The following IQGAP2 variants were observed in gnomAD, a reference collection of about 807,000 sequenced individuals.
The protein encoded by IQGAP2 is IQ motif containing GTPase activating protein 2.
A neutral mutation model predicts 201.3 loss-of-function variants in IQGAP2; 173 were observed. That is an observed-to-expected ratio of 0.86 (90% CI 0.76 to 0.98). IQGAP2 has a LOEUF of 0.98. Ranked by LOEUF, IQGAP2 falls within the 50% of genes least tolerant of loss-of-function variation. The pLI is 0.00. For missense variants in IQGAP2, 1,687 were observed against 1,864.8 expected (o/e 0.90, Z 1.76); for synonymous variants, 675 against 673.9 (o/e 1.00, Z -0.03).
At chr5:76,647,754 A>G (rs1158570433) in intron 17 of IQGAP2, among the ~76,000 whole-genome samples, 1 of 152,046 alleles carries the variant, frequency 6.6e-6, no homozygotes, top group African/African-American at 2.4e-5. Flanking sequence ...TAGCCAAAGG[A>G]CCAAGAAAGA....
intron 2 of IQGAP2, among the ~76,000 whole-genome samples, chr5:76,466,291 C>T (rs928604651): frequency 6.6e-6 from 1 of 152,168 alleles, no homozygotes; most frequent in Non-Finnish European, 1.5e-5. Context: ...GTTACGATCA[C>T]ACCACTGCAC....
At chr5:76,405,070 A>G (rs768254180) in intron 1 of IQGAP2, among the ~76,000 whole-genome samples, 14 of 152,254 alleles carry the variant, frequency 9.2e-5, no homozygotes, top group Non-Finnish European at 1.9e-4. Context: ...GATAACCACA[A>G]ACTTCTGCAA....
At chr5:76,599,010 A>G (rs1372680052) in intron 10 of IQGAP2, among the ~76,000 whole-genome samples, 1 of 152,222 alleles carries the variant, frequency 6.6e-6, no homozygotes, top group African/African-American at 2.4e-5. Flanking sequence ...AAATGTATAT[A>G]TGAATTTAAA....
chr5:76,616,948 C>G (rs1749032069), intron 13 of IQGAP2: 1 of 152,190 alleles, frequency 6.6e-6, no homozygotes, highest in Non-Finnish European at 1.5e-5. Flanking sequence ...GAGGCAGCCA[C>G]CAGCATGAGA....
At chr5:76,678,963 C>G (rs978207743) in intron 28 of IQGAP2, among the ~76,000 whole-genome samples, 3 of 152,152 alleles carry the variant, frequency 2.0e-5, no homozygotes, top group Non-Finnish European at 4.4e-5. Context: ...AATGAATAGG[C>G]TATCCTTCTT....
chr5:76,663,343 G>A (rs978501129), intron 21 of IQGAP2, among the ~76,000 whole-genome samples: 4 of 152,166 alleles, frequency 2.6e-5, no homozygotes, highest in Non-Finnish European at 5.9e-5. Context: ...TCCTCACGTG[G>A]AGGTCCAGCT....
chr5:76,621,894 C>T (rs960085722), intron 13 of IQGAP2, among the ~76,000 whole-genome samples: 3 of 152,122 alleles, frequency 2.0e-5, no homozygotes, highest in African/African-American at 7.2e-5. Context: ...GAATGAACTC[C>T]GGCCTCTCAG....
At chr5:76,414,220 C>T (rs1437358150) in intron 1 of IQGAP2, among the ~76,000 whole-genome samples, 1 of 152,146 alleles carries the variant, frequency 6.6e-6, no homozygotes, top group Non-Finnish European at 1.5e-5. Flanking sequence ...GAGATTGTCA[C>T]TTTTCTGTTT....
At chr5:76,413,836 T>G (rs1406543786) in intron 1 of IQGAP2, among the ~76,000 whole-genome samples, 1 of 152,230 alleles carries the variant, frequency 6.6e-6, no homozygotes, top group African/African-American at 2.4e-5. Context: ...ATCTTTATGC[T>G]TGCTTCAGAA....
intron 2 of IQGAP2, among the ~76,000 whole-genome samples, chr5:76,558,931 C>T (rs146815963): frequency 0.016 from 2,444 of 152,008 alleles, 54 homozygotes; most frequent in African/African-American, 0.055. Flanking sequence ...GACGGAGTCT[C>T]GCTCTGTCGC....
chr5:76,649,104 A>T (rs1752312873), intron 17 of IQGAP2, among the ~76,000 whole-genome samples: 1 of 152,252 alleles, frequency 6.6e-6, no homozygotes, highest in Non-Finnish European at 1.5e-5. Flanking sequence ...AAACTTCTGA[A>T]AACAAAAGAC....
chr5:76,406,905 T>C (rs1267240888), intron 1 of IQGAP2, among the ~76,000 whole-genome samples: 5 of 152,238 alleles, frequency 3.3e-5, no homozygotes, highest in East Asian at 1.9e-4. Flanking sequence ...TTTGCTTCTT[T>C]TAAAAAGTGC....
At chr5:76,547,361 G>C (rs1580426445) in intron 2 of IQGAP2, 1 of 716,906 alleles carries the variant, frequency 1.4e-6, no homozygotes, top group Non-Finnish European at 1.7e-6. Context: ...TGGTGTTCTG[G>C]AATGTCCATT....
rs1486582638 is a variant in IQGAP2 at position 76,403,297 on chromosome 5, G to C, written c.-249G>C. 5 of 348,084 alleles carry C rather than the reference G, an allele frequency of 1.4e-5. No individual in the cohort carries two copies. Among genetic ancestry groups the C allele is most frequent in the Non-Finnish European group, 2.6e-5 (5 of 194,578 alleles). 21.6% of individuals were successfully genotyped at this position (348,084 alleles called of 1,614,324 possible). On this transcript the variant is annotated 5_prime_UTR_variant, in exon 1 of 36. Transcript: ENST00000274364. This position sits in a 1 kb window ranked among gnomAD's most constrained non-coding sequence, Gnocchi z 4.8. ...TGGAGGAGAAAGGAAACCTGCTGCG[G>C]GAGGCGGCGGCGACCGGCCAGGGAG... is the stretch of plus-strand genomic sequence containing the variant.
intron 1 of IQGAP2, among the ~76,000 whole-genome samples, chr5:76,410,774 T>C (rs1360363095): frequency 6.6e-6 from 1 of 152,222 alleles, no homozygotes; most frequent in Admixed American, 6.5e-5. Context: ...TGATTTACGG[T>C]CCTGCAATGT....
intron 2 of IQGAP2, among the ~76,000 whole-genome samples, chr5:76,550,125 C>T (rs1395764078): frequency 1.3e-5 from 2 of 152,090 alleles, no homozygotes; most frequent in Non-Finnish European, 2.9e-5. Context: ...AGCTGTGAAC[C>T]CGTGAAACCA....
At chr5:76,439,269 G>A (rs1752891403) in intron 1 of IQGAP2, among the ~76,000 whole-genome samples, 1 of 152,190 alleles carries the variant, frequency 6.6e-6, no homozygotes, top group Admixed American at 6.5e-5. Context: ...CTATCATATG[G>A]TCTATCTTGG....
At chr5:76,595,243 CTTTTTTTTTTTTTTTTT>C (rs1180358517) in intron 9 of IQGAP2, among the ~76,000 whole-genome samples, 15 of 35,310 alleles carry the variant, frequency 4.2e-4, no homozygotes, top group Non-Finnish European at 6.1e-4. Flanking sequence ...CATTTCTTTG[CTTTTTTTTTTTTTTTTT>C]TTTTTTTTTT....
At chr5:76,609,306 C>T in intron 12 of IQGAP2, 1 of 1,427,464 alleles carries the variant, frequency 7.0e-7, no homozygotes, top group African/African-American at 1.4e-5. Context: ...GTTTATAAAT[C>T]CTATAGGGTA....
Sources: gnomAD v4.1 joint callset for allele counts (sites outside exome capture counted in the v4.1 genomes callset) on GRCh38, gnomAD v4.1.1 for gene constraint, Gnocchi (gnomAD v3.1) non-coding constraint, MANE v1.5 for transcripts, NCBI Gene and HGNC (gene_info 2026-07-23, HGNC 2026-07-21) for gene names.